Variants in FRMD3 observed in about 807,000 individuals in gnomAD.
The protein encoded by FRMD3 is FERM domain containing 3, also known as FERM domain-containing protein 3.
FRMD3 carries 33 observed loss-of-function variants against 70.2 expected under a neutral mutation model. The ratio of observed to expected loss-of-function variants is 0.47; its 90% confidence interval spans 0.36 to 0.63. FRMD3 has a LOEUF of 0.63. Ranked by LOEUF, FRMD3 falls within the 20% of genes least tolerant of loss-of-function variation. The pLI is 0.00. For synonymous variants in FRMD3, 279 were observed against 255.9 expected, an observed-to-expected ratio of 1.09 and a Z score of -0.86; for missense variants, 632 against 711.4, an observed-to-expected ratio of 0.89 and a Z score of 1.27.
intron 3 of FRMD3, among the ~76,000 whole-genome samples, chr9:83,357,044 A>G (rs1331688978): frequency 6.7e-6 from 1 of 150,340 alleles, no homozygotes; most frequent in African/African-American, 2.4e-5. Flanking sequence ...ATTCCTGCAA[A>G]TGCCATTAAT....
the FRMD3 span, among the ~76,000 whole-genome samples, chr9:83,561,821 T>C: frequency 6.6e-6 from 1 of 152,146 alleles, no homozygotes; most frequent in Non-Finnish European, 1.5e-5. Flanking sequence ...GAACAGAGTC[T>C]GCCACAAGGA....
chr9:83,360,953 C>T (rs910794615), intron 3 of FRMD3, among the ~76,000 whole-genome samples: 4 of 152,144 alleles, frequency 2.6e-5, no homozygotes, highest in African/African-American at 9.7e-5. Context: ...GGAGAAGGAT[C>T]AAATATAAAA....
At position 83,370,789 on chromosome 9, in the gene FRMD3, G is replaced by A. The variant is rs141243148; in HGVS notation, c.295+2124C>T. Among the ~76,000 whole-genome samples the A allele has an allele frequency of 1.3e-3, 191 of 152,252 alleles. 2 individuals are homozygous for A. Among genetic ancestry groups the A allele is most frequent in the African/African-American group, 4.0e-3 (168 of 41,554 alleles). ...TAGCCAGGCACGGTAGTGCACGCCC[G>A]TAGTTCTAGCTATCTGGGAGGCTGA... On this transcript the variant is annotated intron_variant, in intron 3 of 13. Coordinates refer to ENST00000304195, the MANE Select transcript of FRMD3 (RefSeq NM_174938.6).
At chr9:83,468,913 G>A (rs149141297) in intron 1 of FRMD3, among the ~76,000 whole-genome samples, 1 of 152,168 alleles carries the variant, frequency 6.6e-6, no homozygotes, top group East Asian at 1.9e-4. Context: ...TATAATGGCC[G>A]TGGCTTTGAC....
intron 13 of FRMD3, 108 bp downstream of exon 13, chr9:83,290,495 C>T: frequency 7.9e-7 from 1 of 1,261,778 alleles, no homozygotes; most frequent in Non-Finnish European, 1.2e-6. Flanking sequence ...TGGCCCACTC[C>T]ACCCCATACA....
chr9:83,385,719 CAGAAAAAT>C (rs1217959472), intron 2 of FRMD3, among the ~76,000 whole-genome samples: 3 of 150,548 alleles, frequency 2.0e-5, no homozygotes, highest in Non-Finnish European at 4.4e-5. Flanking sequence ...ACTTGCCATT[CAGAAAAAT>C]ACAGGAGCTG....
chr9:83,389,501 T>C (rs923490067), intron 2 of FRMD3, 103 bp downstream of exon 2: 5 of 752,716 alleles, frequency 6.6e-6, no homozygotes, highest in Non-Finnish European at 9.5e-6. Context: ...CCCAATAATC[T>C]ATGAGAACAA....
chr9:83,509,124 C>T (rs966653673), intron 1 of FRMD3, among the ~76,000 whole-genome samples: 45 of 151,882 alleles, frequency 3.0e-4, no homozygotes, highest in African/African-American at 8.2e-4. Context: ...CCATGAGGAC[C>T]GGAATTTCTG....
rs187867316 is a variant in FRMD3 at position 83,248,660 on chromosome 9, C to T, written c.1196-144G>A. ...GTGGTATCCTAAGTTGTAACAAAGT[C>T]GTATTATAGTAAAAGACCCTGTACC... is the stretch of plus-strand genomic sequence containing the variant. On this transcript the variant is annotated intron_variant, in intron 13 of 13. Transcript: ENST00000304195. 1.9e-5 allele frequency: 17 copies of T among 894,518 alleles called. 1 individual carries two copies. The highest frequency in any genetic ancestry group is 3.8e-5 in the South Asian group (2 of 52,386). The allele number at this position is 894,518 out of a possible 1,614,324, so 55.4% of individuals were successfully genotyped here.
At chr9:83,272,646 C>G (rs1379256333) in intron 13 of FRMD3, among the ~76,000 whole-genome samples, 2 of 99,336 alleles carry the variant, frequency 2.0e-5, no homozygotes, top group East Asian at 2.4e-4. Flanking sequence ...GCTGCCCAGT[C>G]TGGTAAGTGA....
intron 1 of FRMD3, among the ~76,000 whole-genome samples, chr9:83,397,816 A>C (rs1254080812): frequency 6.6e-6 from 1 of 152,176 alleles, no homozygotes; most frequent in Non-Finnish European, 1.5e-5. Context: ...TGGAAGGAAG[A>C]ATCCAATCAT....
At chr9:83,546,199 A>T in the FRMD3 span, among the ~76,000 whole-genome samples, 1 of 152,198 alleles carries the variant, frequency 6.6e-6, no homozygotes, top group Admixed American at 6.5e-5. Context: ...TCTACCAAAA[A>T]TACAAAAATT....
intron 2 of FRMD3, among the ~76,000 whole-genome samples, chr9:83,389,158 C>G (rs77006735): frequency 0.037 from 5,561 of 151,862 alleles, 184 homozygotes; most frequent in East Asian, 0.17. Flanking sequence ...ATGTTGCCAG[C>G]ACTGGTCTTG....
At chr9:83,343,055 G>A in intron 5 of FRMD3, 135 bp downstream of exon 5, 1 of 686,850 alleles carries the variant, frequency 1.5e-6, no homozygotes. Context: ...GGGTTCTGTT[G>A]CTACGTACCC....
intron 1 of FRMD3, among the ~76,000 whole-genome samples, chr9:83,509,280 G>C (rs1829281213): frequency 6.6e-6 from 1 of 152,064 alleles, no homozygotes; most frequent in Admixed American, 6.6e-5. Context: ...ACAATCTTTA[G>C]CTCATTTACA....
At chr9:83,336,456 T>C (rs1823582128) in intron 5 of FRMD3, among the ~76,000 whole-genome samples, 1 of 151,270 alleles carries the variant, frequency 6.6e-6, no homozygotes, top group Non-Finnish European at 1.5e-5. Flanking sequence ...ACAGCTAATA[T>C]TCTCTGTGTC....
chr9:83,258,543 A>G (rs1832830767), intron 13 of FRMD3, among the ~76,000 whole-genome samples: 1 of 152,252 alleles, frequency 6.6e-6, no homozygotes, highest in South Asian at 2.1e-4. Context: ...GAGGATACTA[A>G]TGACACTTAA....
At chr9:83,438,323 G>A (rs1827195291) in intron 1 of FRMD3, among the ~76,000 whole-genome samples, 2 of 152,168 alleles carry the variant, frequency 1.3e-5, no homozygotes, top group African/African-American at 4.8e-5. Context: ...ACTTACGGAT[G>A]ATGTCCTAAA....
chr9:83,406,795 G>T (rs114270410), intron 1 of FRMD3, among the ~76,000 whole-genome samples: 1,821 of 152,326 alleles, frequency 0.012, 51 homozygotes, highest in African/African-American at 0.042. Flanking sequence ...ATCCAGAAAT[G>T]TAAACTGTAT....
Sources: allele counts gnomAD v4.1 joint callset (sites outside exome capture counted in the v4.1 genomes callset), GRCh38; gene constraint gnomAD v4.1.1; transcripts MANE v1.5; gene names NCBI Gene and HGNC (gene_info 2026-07-23, HGNC 2026-07-21).